The following PXDNL variants were observed in gnomAD, a reference collection of about 807,000 sequenced individuals.
PXDNL encodes the protein peroxidasin like, also known as probable oxidoreductase PXDNL.
Under a neutral mutation model 150.8 loss-of-function variants are expected in PXDNL, and 145 were observed. The observed-to-expected ratio is 0.96, with a 90% CI of 0.84 to 1.10. The LOEUF (loss-of-function observed/expected upper bound fraction) is 1.10, where lower values mean the gene tolerates loss of function less well. Ranked by LOEUF, PXDNL falls within the 50% of genes least tolerant of loss-of-function variation. PXDNL has a pLI of 0.00. For missense variants in PXDNL, 2,087 were observed against 1,873.9 expected (o/e 1.11, Z -2.10); for synonymous variants, 757 against 725.7 (o/e 1.04, Z -0.69).
chr8:51,646,027 A>T (rs1387269728), intron 2 of PXDNL, among the ~76,000 whole-genome samples: 2 of 151,890 alleles, frequency 1.3e-5, no homozygotes, highest in Non-Finnish European at 2.9e-5. Flanking sequence ...AGTTAGGAGG[A>T]TACCAAGGAA....
chr8:51,375,222 T>G (rs1442930181), intron 17 of PXDNL, among the ~76,000 whole-genome samples: 1 of 152,226 alleles, frequency 6.6e-6, no homozygotes, highest in Non-Finnish European at 1.5e-5. Context: ...TAGGTAAGTT[T>G]TCTCTTGATA....
Position 51,615,576 on chromosome 8 carries a change from C to T in PXDNL, c.237-22878G>A, listed in dbSNP as rs1225994449. 2.6e-5 allele frequency among the ~76,000 whole-genome samples: 4 copies of T among 152,094 alleles called. No homozygotes were observed. The South Asian group carries it at 6.2e-4, about 24-fold the overall frequency. On this transcript the variant is annotated intron_variant, in intron 2 of 22. Coordinates refer to ENST00000356297, the MANE Select transcript of PXDNL (RefSeq NM_144651.5). ...CTGGAAATGGAGTCACAAAGTCCTA[C>T]ATAAATCTATATGAGGGATTGCACC...
At position 51,804,402 on chromosome 8, in the gene PXDNL, AT is replaced by A. The variant is rs2037654276; in HGVS notation, c.164+4778del. Reference sequence around the variant, plus strand: ...GCTTAGTGATTTTTGGGGACCCAAGATTTATTTTGCTTTCACACTCTCCATG... The same window carrying A: ...GCTTAGTGATTTTTGGGGACCCAAGATTATTTTGCTTTCACACTCTCCATG... On this transcript the variant is annotated intron_variant, in intron 1 of 22. Transcript: ENST00000356297. Among the ~76,000 whole-genome samples the A allele has an allele frequency of 2.0e-5, 3 of 151,992 alleles. No homozygotes were observed. In the South Asian group the frequency reaches 6.3e-4, roughly 32 times the overall value.
At chr8:51,459,129 A>G (rs993517300) in intron 8 of PXDNL, among the ~76,000 whole-genome samples, 1 of 152,222 alleles carries the variant, frequency 6.6e-6, no homozygotes, top group East Asian at 1.9e-4. Flanking sequence ...AACGAACATC[A>G]GAAAGAATGT....
chr8:51,756,492 A>C (rs2037103556), intron 1 of PXDNL, among the ~76,000 whole-genome samples: 1 of 152,124 alleles, frequency 6.6e-6, no homozygotes, highest in African/African-American at 2.4e-5. Flanking sequence ...TCTTTGCTGA[A>C]ATATTTCATA....
chr8:51,352,773 T>C (rs1485146133), intron 19 of PXDNL, among the ~76,000 whole-genome samples: 3 of 152,184 alleles, frequency 2.0e-5, no homozygotes. Flanking sequence ...TACTCAGCCA[T>C]AAAAAGAGTG....
chr8:51,370,919 A>T (rs1333173286), intron 19 of PXDNL, among the ~76,000 whole-genome samples: 1 of 152,170 alleles, frequency 6.6e-6, no homozygotes, highest in African/African-American at 2.4e-5. Context: ...CACTTCTAGC[A>T]GTGGCTTTCA....
intron 3 of PXDNL, among the ~76,000 whole-genome samples, chr8:51,568,126 GAAC>G (rs1297510642): frequency 6.6e-6 from 1 of 150,888 alleles, no homozygotes; most frequent in Non-Finnish European, 1.5e-5. Context: ...TTTTTATTCT[GAAC>G]AAATTTTTAT....
intron 19 of PXDNL, among the ~76,000 whole-genome samples, chr8:51,369,882 A>T (rs1807044031): frequency 6.6e-6 from 1 of 152,186 alleles, no homozygotes; most frequent in South Asian, 2.1e-4. Flanking sequence ...CCCACAGCAG[A>T]TTCATTACCA....
intron 19 of PXDNL, among the ~76,000 whole-genome samples, chr8:51,365,604 G>A (rs890493779): frequency 5.3e-5 from 8 of 152,154 alleles, no homozygotes; most frequent in African/African-American, 1.9e-4. Flanking sequence ...TTAAACGTTT[G>A]CATGCAGCCA....
At chr8:51,434,271 A>C (rs1473909754) in intron 12 of PXDNL, among the ~76,000 whole-genome samples, 1 of 152,122 alleles carries the variant, frequency 6.6e-6, no homozygotes, top group African/African-American at 2.4e-5. Flanking sequence ...AAATGCTCTA[A>C]GTGATTTGCC....
chr8:51,567,993 C>T (rs1406703464), intron 3 of PXDNL, among the ~76,000 whole-genome samples: 1 of 151,728 alleles, frequency 6.6e-6, no homozygotes, highest in African/African-American at 2.4e-5. Context: ...TCAGCTGAAT[C>T]CATGGATGTG....
chr8:51,704,359 G>A (rs1222443432), intron 1 of PXDNL, among the ~76,000 whole-genome samples: 1 of 152,178 alleles, frequency 6.6e-6, no homozygotes, highest in Non-Finnish European at 1.5e-5. Context: ...CATTTTGTGA[G>A]TATACCATAG....
intron 4 of PXDNL, among the ~76,000 whole-genome samples, chr8:51,544,612 T>C (rs1812312809): frequency 6.6e-6 from 1 of 152,206 alleles, no homozygotes; most frequent in African/African-American, 2.4e-5. Context: ...AAATTTTCAA[T>C]CAGCAAACAA....
intron 21 of PXDNL, among the ~76,000 whole-genome samples, chr8:51,321,993 C>G (rs968178015): frequency 6.6e-6 from 1 of 152,108 alleles, no homozygotes; most frequent in East Asian, 1.9e-4. Flanking sequence ...GAGTGGGGCT[C>G]TAACCCAATA....
intron 12 of PXDNL, among the ~76,000 whole-genome samples, chr8:51,428,480 A>C (rs1238252235): frequency 1.3e-5 from 2 of 152,212 alleles, no homozygotes; most frequent in African/African-American, 4.8e-5. Context: ...TAGCTGCAGT[A>C]ATCAAGACTG....
At chr8:51,398,908 C>T (rs1179463088) in intron 17 of PXDNL, among the ~76,000 whole-genome samples, 3 of 152,068 alleles carry the variant, frequency 2.0e-5, no homozygotes, top group African/African-American at 7.2e-5. Context: ...ATTGAATTAA[C>T]ATTTAAACAA....
At chr8:51,448,897 A>T (rs1809742039) in intron 11 of PXDNL, 105 bp downstream of exon 11, 2 of 711,034 alleles carry the variant, frequency 2.8e-6, no homozygotes, top group Non-Finnish European at 2.6e-6. Flanking sequence ...TAATTTTTTC[A>T]TGTCCATGAT....
At chr8:51,558,453 C>G (rs1188909686) in intron 3 of PXDNL, among the ~76,000 whole-genome samples, 1 of 152,082 alleles carries the variant, frequency 6.6e-6, no homozygotes, top group Non-Finnish European at 1.5e-5. Flanking sequence ...AGCCACATGA[C>G]TTCAAGGGTG....
Sources: allele counts gnomAD v4.1 joint callset (sites outside exome capture counted in the v4.1 genomes callset), GRCh38; gene constraint gnomAD v4.1.1; transcripts MANE v1.5; gene names NCBI Gene and HGNC (gene_info 2026-07-23, HGNC 2026-07-21).